The following GTF2A1 variants were observed in gnomAD, a reference collection of about 807,000 sequenced individuals.
GTF2A1 encodes the protein general transcription factor IIA subunit 1, also known as transcription initiation factor IIA subunit 1.
Under a neutral mutation model 54.1 loss-of-function variants are expected in GTF2A1, and 12 were observed. That is an observed-to-expected ratio of 0.22 (90% CI 0.14 to 0.36). The LOEUF (loss-of-function observed/expected upper bound fraction) is 0.36, where lower values mean the gene tolerates loss of function less well. Ranked by LOEUF, GTF2A1 falls within the 10% of genes least tolerant of loss-of-function variation. The pLI, the probability that GTF2A1 is intolerant of heterozygous loss-of-function variation, is 1.00. For synonymous variants in GTF2A1, 145 were observed against 152.0 expected, an observed-to-expected ratio of 0.95 and a Z score of 0.34; for missense variants, 335 against 442.2, an observed-to-expected ratio of 0.76 and a Z score of 2.17.
chr14:81,194,926 T>C (rs1892956916), intron 6 of GTF2A1, among the ~76,000 whole-genome samples: 2 of 151,328 alleles, frequency 1.3e-5, no homozygotes, highest in African/African-American at 4.9e-5. Context: ...GCAGATCACC[T>C]GAAGTCAGGA....
intron 2 of GTF2A1, among the ~76,000 whole-genome samples, chr14:81,210,901 T>C (rs1893350584): frequency 6.6e-6 from 1 of 152,212 alleles, no homozygotes; most frequent in South Asian, 2.1e-4. Context: ...TCAGGAATAC[T>C]AATCTTTGCC....
intron 1 of GTF2A1, among the ~76,000 whole-genome samples, chr14:81,218,053 A>C (rs552395482): frequency 6.6e-6 from 1 of 151,934 alleles, no homozygotes; most frequent in African/African-American, 2.4e-5. Context: ...CATCTTGCCT[A>C]AAGTGACTTA....
intron 3 of GTF2A1, among the ~76,000 whole-genome samples, chr14:81,202,017 T>C (rs905204690): frequency 5.3e-5 from 8 of 151,808 alleles, no homozygotes; most frequent in South Asian, 2.1e-4. Flanking sequence ...AAAAAATTAG[T>C]TGGGTGTCAG....
intron 8 of GTF2A1, among the ~76,000 whole-genome samples, chr14:81,180,666 C>T (rs1892621610): frequency 6.6e-6 from 1 of 152,118 alleles, no homozygotes; most frequent in African/African-American, 2.4e-5. Flanking sequence ...AAACCACACA[C>T]AAAACTCACT....
Position 81,207,321 on chromosome 14 carries a change from T to G in GTF2A1, c.133-3217A>C, listed in dbSNP as rs571830674. Among the ~76,000 whole-genome samples the G allele has an allele frequency of 1.8e-4, 27 of 152,278 alleles. No individual in the cohort carries two copies. In the South Asian group the frequency reaches 5.0e-3, roughly 28 times the overall value. ...TCTTTCCCACGCTATTCTCAGGAGA[T>G]CTGATGGGTTTATCAGGTGTTTTCG... On this transcript the variant is annotated intron_variant, in intron 2 of 8. Transcript: ENST00000553612.
chr14:81,182,802 T>C (rs1387755962), intron 8 of GTF2A1, among the ~76,000 whole-genome samples: 2 of 152,158 alleles, frequency 1.3e-5, no homozygotes, highest in African/African-American at 4.8e-5. Flanking sequence ...TGCCTTCCCT[T>C]ACCTCTCTAC....
chr14:81,200,039 G>A (rs1893069530), intron 4 of GTF2A1, among the ~76,000 whole-genome samples: 1 of 151,804 alleles, frequency 6.6e-6, no homozygotes, highest in Non-Finnish European at 1.5e-5. Context: ...GAAATAACAG[G>A]CATGAAATTT....
At chr14:81,213,850 T>G (rs927130729) in intron 2 of GTF2A1, among the ~76,000 whole-genome samples, 38 of 151,630 alleles carry the variant, frequency 2.5e-4, no homozygotes, top group African/African-American at 8.2e-4. Context: ...TTTTCTGTTT[T>G]TTTTTTTTTT....
chr14:81,205,222 A>G (rs1436311394), intron 2 of GTF2A1, among the ~76,000 whole-genome samples: 3 of 152,096 alleles, frequency 2.0e-5, no homozygotes, highest in African/African-American at 7.2e-5. Context: ...TGGCCTCCCA[A>G]AGAGCTGAGA....
Position 81,185,652 on chromosome 14 carries a change from A to G in GTF2A1, c.934-32T>C, listed in dbSNP as rs778456740. ...ATAAAAGGAGAGTTCTTATTACTAT[A>G]AGAAGGCCTTAATATTCACTGAAAA... On this transcript the variant is annotated intron_variant, in intron 7 of 8. Transcript: ENST00000553612. 5.0e-6 allele frequency: 6 copies of G among 1,190,814 alleles called. No individual in the cohort carries two copies. In the Admixed American group the frequency reaches 1.1e-4, roughly 22 times the overall value. The allele number at this position is 1,190,814 out of a possible 1,614,324, so 73.8% of individuals were successfully genotyped here.
chr14:81,210,869 A>G (rs575257937), intron 2 of GTF2A1, among the ~76,000 whole-genome samples: 7 of 152,262 alleles, frequency 4.6e-5, no homozygotes, highest in African/African-American at 1.7e-4. Flanking sequence ...GCACCCAGCC[A>G]CTAACATAGT....
intron 4 of GTF2A1, among the ~76,000 whole-genome samples, chr14:81,198,251 C>T (rs1893032151): frequency 6.6e-6 from 1 of 152,124 alleles, no homozygotes; most frequent in Admixed American, 6.6e-5. Flanking sequence ...TTGAGACCAG[C>T]CTGGGCAATA....
chr14:81,204,135 T>A (rs770897874), intron 2 of GTF2A1, 31 bp from the exon 3 acceptor site: 2 of 1,427,074 alleles, frequency 1.4e-6, no homozygotes, highest in Admixed American at 3.3e-5. Flanking sequence ...GATTTCTAAG[T>A]GAAAAATAAC....
chr14:81,211,875 T>TA lies in GTF2A1; in HGVS notation c.132+4537_132+4538insT, dbSNP rs1419902730. ...ACATAATTAGAGTGTATCAAGTACT[T>TA]TATATATATATATATATATATATAT... On this transcript the variant is annotated intron_variant, in intron 2 of 8. Transcript: ENST00000553612. Among the ~76,000 whole-genome samples, 168 of 68,488 alleles carry TA rather than the reference T, an allele frequency of 2.5e-3. 9 individuals are homozygous for TA. Among genetic ancestry groups the TA allele is most frequent in the South Asian group, 7.0e-3 (16 of 2,270 alleles). The allele number at this position is 68,488 out of a possible 152,430, so 44.9% of individuals were successfully genotyped here.
chr14:81,218,019 G>C (rs1893523930), intron 1 of GTF2A1, among the ~76,000 whole-genome samples: 1 of 151,320 alleles, frequency 6.6e-6, no homozygotes, highest in Admixed American at 6.6e-5. Flanking sequence ...TATATATAAG[G>C]AAAGTATATC....
intron 4 of GTF2A1, among the ~76,000 whole-genome samples, chr14:81,200,136 C>T (rs1893071660): frequency 6.6e-6 from 1 of 152,138 alleles, no homozygotes; most frequent in Non-Finnish European, 1.5e-5. Context: ...TTAAAAACTG[C>T]AATTTCTACT....
intron 2 of GTF2A1, among the ~76,000 whole-genome samples, chr14:81,211,634 A>ACAT (rs1278694275): frequency 3.4e-4 from 52 of 151,980 alleles, no homozygotes; most frequent in African/African-American, 1.2e-3. Flanking sequence ...GCAGCCCGTC[A>ACAT]CATCACAAGC....
rs1259264521 is a variant in GTF2A1, at chr14:81,220,833, T to C, written c.-315A>G. ...GAGGGAAACCACCACCGGTCACCGC[T>C]CCCTGCGCCGCCGCTGCCGCCACCG... On this transcript the variant is annotated 5_prime_UTR_variant, in exon 1 of 9. Coordinates refer to ENST00000553612, the MANE Select transcript of GTF2A1 (RefSeq NM_015859.4). 4 of 294,936 alleles carry C rather than the reference T, an allele frequency of 1.4e-5. No individual in the cohort carries two copies. The highest frequency in any genetic ancestry group is 9.2e-4 in the Middle Eastern group (1 of 1,084). 18.3% of individuals were successfully genotyped at this position (294,936 alleles called of 1,614,324 possible). A position where few individuals can be genotyped will look rare whatever the true frequency, so the allele number is the denominator to read the frequency against.
At chr14:81,192,324 A>G (rs1892892291) in intron 7 of GTF2A1, among the ~76,000 whole-genome samples, 195 bp downstream of exon 7, 1 of 152,244 alleles carries the variant, frequency 6.6e-6, no homozygotes, top group African/African-American at 2.4e-5. Context: ...TGAAAGTTAT[A>G]TTTTATGAAG....
Sources: allele counts gnomAD v4.1 joint callset (sites outside exome capture counted in the v4.1 genomes callset), GRCh38; gene constraint gnomAD v4.1.1; transcripts MANE v1.5; gene names NCBI Gene and HGNC (gene_info 2026-07-23, HGNC 2026-07-21).